Variants in PCDHA6 observed in about 807,000 individuals in gnomAD.
The protein encoded by PCDHA6 is protocadherin alpha-6.
Under a neutral mutation model 60.3 loss-of-function variants are expected in PCDHA6, and 55 were observed. That is an observed-to-expected ratio of 0.91 (90% CI 0.73 to 1.14). The LOEUF (loss-of-function observed/expected upper bound fraction) is 1.14. PCDHA6 is among the 50% of genes most tolerant of loss of function. The pLI is 0.00. For synonymous variants in PCDHA6, 652 were observed against 557.9 expected (o/e 1.17, Z -2.38); for missense variants, 1,327 against 1,256.5 (o/e 1.06, Z -0.85).
At chr5:140,923,877 C>T (rs555626217) in intron 1 of PCDHA6, among the ~76,000 whole-genome samples, 5 of 152,284 alleles carry the variant, frequency 3.3e-5, no homozygotes, top group East Asian at 1.9e-4. Flanking sequence ...ATCTGAGAAG[C>T]GTGTGAAAGA....
rs782782390 is a variant in PCDHA6 at position 140,856,337 on chromosome 5, C to T, written c.2394+25852C>T. 2.5e-6 allele frequency: 4 copies of T among 1,598,496 alleles called. 1 individual carries two copies. The Admixed American group carries it at 5.1e-5, about 20-fold the overall frequency. On this transcript the variant is annotated intron_variant, in intron 1 of 3. Transcript: ENST00000529310. ...GATTGACCGCGAGGAGCTGTGCGGG[C>T]GGAGCGTGGAGTGCAGCATCCACCT...
intron 3 of PCDHA6, among the ~76,000 whole-genome samples, chr5:141,007,101 A>T (rs1412645072): frequency 6.6e-5 from 10 of 152,188 alleles, no homozygotes; most frequent in African/African-American, 1.7e-4. Flanking sequence ...TCTAGGGCCA[A>T]ACCCAAGGAA....
rs1324543044 is a variant in PCDHA6 at position 140,847,178 on chromosome 5, A to G, written c.2394+16693A>G. ...TTTCTGAGTAATAAACTAAAGGGCC[A>G]TGAGTGATTAAGGAATTTGGCCACT... On this transcript the variant is annotated intron_variant, in intron 1 of 3. Coordinates refer to ENST00000529310, the MANE Select transcript of PCDHA6 (RefSeq NM_018909.4). Among the ~76,000 whole-genome samples the G allele has an allele frequency of 3.3e-5, 5 of 149,760 alleles. 1 individual carries two copies. The highest frequency in any genetic ancestry group is 7.5e-5 in the Non-Finnish European group (5 of 66,876).
At chr5:141,004,810 A>G (rs2098182429) in intron 3 of PCDHA6, among the ~76,000 whole-genome samples, 1 of 152,224 alleles carries the variant, frequency 6.6e-6, no homozygotes, top group Non-Finnish European at 1.5e-5. Flanking sequence ...GCTCAATTGC[A>G]GATTTGATTA....
At chr5:140,986,397 C>T (rs943993265) in intron 3 of PCDHA6, among the ~76,000 whole-genome samples, 8 of 152,280 alleles carry the variant, frequency 5.3e-5, no homozygotes, top group Admixed American at 3.9e-4. Flanking sequence ...AAGGGCCAGT[C>T]GCTCATGTTA....
chr5:140,876,783 C>G (rs1554168916), intron 1 of PCDHA6: 2 of 1,614,196 alleles, frequency 1.2e-6, no homozygotes, highest in Admixed American at 1.7e-5. Flanking sequence ...CGCTGTGGGC[C>G]ACGGCTAGAG....
chr5:140,857,076 A>C (rs782010117), intron 1 of PCDHA6: 1 of 1,596,990 alleles, frequency 6.3e-7, no homozygotes, highest in Admixed American at 1.7e-5. Flanking sequence ...CTGGATGAAA[A>C]TGATAATTCA....
At chr5:140,996,302 CAA>C (rs2097720989) in intron 3 of PCDHA6, among the ~76,000 whole-genome samples, 1 of 152,274 alleles carries the variant, frequency 6.6e-6, no homozygotes, top group Non-Finnish European at 1.5e-5. Flanking sequence ...CAGATTGTAA[CAA>C]AGTAAGGGGG....
chr5:140,853,333 G>A (rs905529637), intron 1 of PCDHA6: 2 of 983,832 alleles, frequency 2.0e-6, no homozygotes, highest in Middle Eastern at 5.3e-4. Context: ...ATCTTTTGAG[G>A]TCATTAGCAA....
In PCDHA6 at chr5:140,850,045, T is replaced by C. The variant is rs2150464931; in HGVS notation, c.2394+19560T>C. 3.1e-6 allele frequency: 5 copies of C among 1,596,208 alleles called. No homozygotes were observed. In the African/African-American group the frequency reaches 5.4e-5, roughly 17 times the overall value. On this transcript the variant is annotated intron_variant, in intron 1 of 3. Coordinates refer to ENST00000529310, the MANE Select transcript of PCDHA6 (RefSeq NM_018909.4). Reference sequence around the variant, plus strand: ...TCAGTGCACGCGGAGAGCGGCAAGGTGTACGCGCTGCAGCCGTTGGACCAC... The same window carrying C: ...TCAGTGCACGCGGAGAGCGGCAAGGCGTACGCGCTGCAGCCGTTGGACCAC...
intron 1 of PCDHA6, among the ~76,000 whole-genome samples, chr5:140,886,844 AAAAG>A (rs1232979230): frequency 6.0e-5 from 9 of 150,634 alleles, no homozygotes; most frequent in Non-Finnish European, 8.9e-5. Flanking sequence ...AAAAAAAAAA[AAAAG>A]AAAGGTCTTC....
chr5:140,830,407 T>G lies in PCDHA6; in HGVS notation c.2316T>G (p.Phe772Leu). ...EGPPKMDLMA[F>L]SPSLSPCPIM... ...CACCCAAGATGGATCTCATGGCCTT[T>G]AGCCCCAGCCTTTCACCTTGTCCTA... Residue 772 changes from phenylalanine (F) to leucine (L), a missense_variant, in exon 1 of 4, where the codon TTT becomes TTG. Transcript: ENST00000529310. The G allele has an allele frequency of 1.5e-5, 24 of 1,614,170 alleles. No homozygotes were observed. Among genetic ancestry groups the G allele is most frequent in the Non-Finnish European group, 2.0e-5 (24 of 1,179,988 alleles).
Position 140,893,828 on chromosome 5 carries a change from C to T in PCDHA6, c.2394+63343C>T, listed in dbSNP as rs144587014. Among the ~76,000 whole-genome samples the T allele has an allele frequency of 1.9e-3, 290 of 152,282 alleles. 1 individual carries two copies. Among genetic ancestry groups the T allele is most frequent in the African/African-American group, 6.6e-3 (275 of 41,556 alleles). ...CTTGAGTCTGGTACCGTAGACTACT[C>T]AGCCATCCTGATGCCCTACCTCTTG... On this transcript the variant is annotated intron_variant, in intron 1 of 3. Coordinates refer to ENST00000529310, the MANE Select transcript of PCDHA6 (RefSeq NM_018909.4).
chr5:140,935,080 C>G (rs1163743447), intron 1 of PCDHA6, among the ~76,000 whole-genome samples: 2 of 152,076 alleles, frequency 1.3e-5, no homozygotes, highest in Non-Finnish European at 2.9e-5. Context: ...TGTACATTTC[C>G]TTTCCCAGAA....
chr5:140,957,883 A>C (rs1413437105), intron 1 of PCDHA6, among the ~76,000 whole-genome samples: 1 of 152,098 alleles, frequency 6.6e-6, no homozygotes. Flanking sequence ...TGAAAAGCTG[A>C]AGTTGGCATC....
intron 1 of PCDHA6, among the ~76,000 whole-genome samples, chr5:140,873,067 TATC>T (rs2054071448): frequency 1.3e-5 from 2 of 152,218 alleles, no homozygotes; most frequent in Admixed American, 1.3e-4. Flanking sequence ...TTGAGAATCA[TATC>T]TAGCTATTTC....
chr5:140,848,454 G>T, intron 1 of PCDHA6: 1 of 1,522,346 alleles, frequency 6.6e-7, no homozygotes, highest in Non-Finnish European at 8.9e-7. Context: ...CTTCTAATTT[G>T]GAGGCAATTT....
In PCDHA6 at chr5:140,829,088, C is replaced by G; in HGVS notation, c.997C>G (p.His333Asp). 1 of 1,611,006 alleles carries G rather than the reference C, an allele frequency of 6.2e-7. No homozygotes were observed. Among genetic ancestry groups the G allele is most frequent in the Admixed American group, 1.7e-5 (1 of 59,990 alleles). The change falls in exon 1 of 4, where the codon CAT becomes GAT. Residue 333 changes from histidine (H) to aspartate (D), a missense_variant. Coordinates refer to ENST00000529310, the MANE Select transcript of PCDHA6 (RefSeq NM_018909.4). ...TDKGHPPMAGHCTVLVRILDK... is the reference protein window; with the variant it reads ...TDKGHPPMAGDCTVLVRILDK... ...CAAAGGCCATCCTCCCATGGCGGGTCATTGCACCGTTTTAGTGAGAATTTT... is the reference window on the plus strand; with the variant it reads ...CAAAGGCCATCCTCCCATGGCGGGTGATTGCACCGTTTTAGTGAGAATTTT...
intron 1 of PCDHA6, among the ~76,000 whole-genome samples, chr5:140,888,291 A>G (rs539984108): frequency 9.2e-5 from 14 of 152,122 alleles, no homozygotes; most frequent in Admixed American, 5.2e-4. Flanking sequence ...TCTACCCCCT[A>G]CCCAGGAGAT....
Sources: gnomAD v4.1 joint callset for allele counts (sites outside exome capture counted in the v4.1 genomes callset) on GRCh38, gnomAD v4.1.1 for gene constraint, MANE v1.5 for transcripts, NCBI Gene and HGNC (gene_info 2026-07-23, HGNC 2026-07-21) for gene names.